Variants in NOX3 observed in about 807,000 individuals in gnomAD.
NOX3 encodes the protein NADPH oxidase 3.
A neutral mutation model predicts 76.7 loss-of-function variants in NOX3; 74 were observed. The ratio of observed to expected loss-of-function variants is 0.96; its 90% CI spans 0.80 to 1.17. NOX3 has a LOEUF of 1.17. Among genes scored for constraint, NOX3 ranks in the 50% most tolerant of loss-of-function variants. The pLI is 0.00. For missense variants in NOX3, 695 were observed against 703.3 expected, an observed-to-expected ratio of 0.99 and a Z score of 0.13; for synonymous variants, 263 against 261.1, an observed-to-expected ratio of 1.01 and a Z score of -0.07.
intron 5 of NOX3, among the ~76,000 whole-genome samples, chr6:155,442,748 G>C (rs1777010427): frequency 6.6e-6 from 1 of 152,202 alleles, no homozygotes; most frequent in East Asian, 1.9e-4. Flanking sequence ...GATGTCACTG[G>C]CCATGCAGGT....
intron 3 of NOX3, among the ~76,000 whole-genome samples, chr6:155,453,901 G>A (rs1449099054): frequency 6.6e-6 from 1 of 152,044 alleles, no homozygotes; most frequent in East Asian, 1.9e-4. Context: ...TGATTATACA[G>A]GCATACCTCG....
chr6:155,418,759 A>C (rs2114686715), intron 10 of NOX3, among the ~76,000 whole-genome samples: 1 of 152,358 alleles, frequency 6.6e-6, no homozygotes, highest in Non-Finnish European at 1.5e-5. Context: ...AATGCAACAG[A>C]GGAGAAGGGT....
chr6:155,396,032 A>G (rs1234922209), intron 13 of NOX3, among the ~76,000 whole-genome samples: 1 of 152,222 alleles, frequency 6.6e-6, no homozygotes, highest in Non-Finnish European at 1.5e-5. Context: ...CTTTTGCTCA[A>G]TACTAGTCAC....
At chr6:155,454,754 G>T in intron 3 of NOX3, 57 bp downstream of exon 3, 2 of 983,674 alleles carry the variant, frequency 2.0e-6, no homozygotes, top group South Asian at 1.6e-5. Context: ...TTTTTCAATG[G>T]CACTTATATG....
intron 6 of NOX3, 120 bp from the exon 7 acceptor site, chr6:155,436,667 T>C (rs1776908790): frequency 4.1e-6 from 4 of 985,016 alleles, no homozygotes; most frequent in Non-Finnish European, 5.8e-6. Flanking sequence ...CACTTCCAGT[T>C]CTTGAAACTC....
chr6:155,428,842 G>C lies in NOX3; in HGVS notation c.1097C>G (p.Ala366Gly), dbSNP rs1315687211. ...GAGGGCCTGTCCCTCTGCCCCAAAG[G>C]CCTCCAGTAGCGCTGCTGTCCAGTC... ...AGDWTAALLE[A>G]FGAEGQALQE... Residue 366 changes from alanine (A) to glycine (G), a missense_variant, in exon 9 of 14, where the codon GCC (alanine) becomes GGC (glycine). By Grantham distance (60) the Ala-to-Gly change is moderately conservative (BLOSUM62 0). Transcript: ENST00000159060. 1.9e-6 allele frequency: 3 copies of C among 1,588,180 alleles called. No homozygotes were observed. Among genetic ancestry groups the C allele is most frequent in the African/African-American group, 1.3e-5 (1 of 74,480 alleles).
intron 10 of NOX3, among the ~76,000 whole-genome samples, chr6:155,417,732 A>T (rs935434084): frequency 3.9e-5 from 6 of 152,206 alleles, no homozygotes; most frequent in African/African-American, 1.4e-4. Context: ...TGCATTTTTC[A>T]TTCACTAGAA....
intron 7 of NOX3, among the ~76,000 whole-genome samples, chr6:155,432,471 G>A (rs989968421): frequency 2.0e-5 from 3 of 152,170 alleles, no homozygotes; most frequent in South Asian, 4.1e-4. Context: ...ACCCCTCCCC[G>A]ATTGACTCAT....
intron 7 of NOX3, among the ~76,000 whole-genome samples, chr6:155,432,781 C>T (rs1776851615): frequency 6.6e-6 from 1 of 152,094 alleles, no homozygotes; most frequent in Admixed American, 6.5e-5. Flanking sequence ...TTCAGAACAG[C>T]AAAGAGAATA....
At chr6:155,444,451 G>A (rs557413712) in intron 4 of NOX3, among the ~76,000 whole-genome samples, 12 of 152,190 alleles carry the variant, frequency 7.9e-5, no homozygotes, top group African/African-American at 2.4e-4. Flanking sequence ...GCCTCAAAGC[G>A]GAAAAGTAGT....
At chr6:155,405,165 C>A (rs557296217) in intron 12 of NOX3, among the ~76,000 whole-genome samples, 1 of 152,126 alleles carries the variant, frequency 6.6e-6, no homozygotes, top group African/African-American at 2.4e-5. Flanking sequence ...AATGCAAGGA[C>A]TGAGGCTTTG....
intron 9 of NOX3, among the ~76,000 whole-genome samples, chr6:155,426,639 CA>C (rs1776758129): frequency 1.3e-5 from 2 of 152,108 alleles, no homozygotes; most frequent in African/African-American, 2.4e-5. Flanking sequence ...CTGAGGACTA[CA>C]TTCTCAGTGT....
intron 10 of NOX3, among the ~76,000 whole-genome samples, chr6:155,414,835 C>G (rs577857872): frequency 6.6e-6 from 1 of 152,098 alleles, no homozygotes; most frequent in Admixed American, 6.5e-5. Context: ...ACCATGTTGG[C>G]CATGCTGGTC....
At chr6:155,450,114 AG>A (rs1777115175) in intron 4 of NOX3, among the ~76,000 whole-genome samples, 1 of 152,130 alleles carries the variant, frequency 6.6e-6, no homozygotes, top group Non-Finnish European at 1.5e-5. Context: ...GAGTGGGATG[AG>A]GGGCACTTTG....
intron 5 of NOX3, among the ~76,000 whole-genome samples, chr6:155,441,997 G>C (rs1201931194): frequency 6.6e-6 from 1 of 152,178 alleles, no homozygotes; most frequent in Non-Finnish European, 1.5e-5. Context: ...GAGCGCGGTG[G>C]CTCACGCCTG....
chr6:155,411,141 A>G (rs951355934), intron 11 of NOX3, 73 bp downstream of exon 11: 1 of 1,302,462 alleles, frequency 7.7e-7, no homozygotes, highest in African/African-American at 1.5e-5. Flanking sequence ...TACATAGCTC[A>G]TTATTGAAAT....
intron 12 of NOX3, among the ~76,000 whole-genome samples, chr6:155,403,577 T>C (rs1779262576): frequency 6.6e-6 from 1 of 152,236 alleles, no homozygotes; most frequent in Non-Finnish European, 1.5e-5. Flanking sequence ...AGAGTTTGCA[T>C]AGCTACCGTG....
intron 12 of NOX3, among the ~76,000 whole-genome samples, chr6:155,404,644 C>A (rs879468913): frequency 6.6e-6 from 1 of 152,136 alleles, no homozygotes. Flanking sequence ...TTCTTGGGGT[C>A]TCCTGCTGGA....
chr6:155,407,744 G>T (rs566599800), intron 11 of NOX3, among the ~76,000 whole-genome samples: 1 of 152,190 alleles, frequency 6.6e-6, no homozygotes, highest in Non-Finnish European at 1.5e-5. Context: ...TGCCTAGTGG[G>T]TTTAAACGGT....
Sources: allele counts gnomAD v4.1 joint callset (sites outside exome capture counted in the v4.1 genomes callset), GRCh38; gene constraint gnomAD v4.1.1; transcripts MANE v1.5; gene names NCBI Gene and HGNC (gene_info 2026-07-23, HGNC 2026-07-21).